LYPD1: variants seen among roughly 807,000 people sequenced by gnomAD.
LYPD1 encodes the protein LY6/PLAUR domain containing 1.
A neutral mutation model predicts 14.2 loss-of-function variants in LYPD1; 14 were observed. The ratio of observed to expected loss-of-function variants is 0.99; its 90% CI spans 0.65 to 1.54. LYPD1 has a LOEUF of 1.54. LYPD1 is among the 40% of genes most tolerant of loss of function. The pLI is 0.00. For synonymous variants in LYPD1, 85 were observed against 70.6 expected (o/e 1.20, Z -1.02); for missense variants, 165 against 175.7 (o/e 0.94, Z 0.34).
intron 2 of LYPD1, 141 bp downstream of exon 2, chr2:132,668,259 G>T: frequency 9.2e-7 from 1 of 1,081,578 alleles, no homozygotes; most frequent in Non-Finnish European, 1.3e-6. Context: ...CATTTTCCCA[G>T]CACTGTAAAA....
chr2:132,665,418 G>T (rs370370970), intron 2 of LYPD1, among the ~76,000 whole-genome samples: 18 of 152,304 alleles, frequency 1.2e-4, no homozygotes, highest in African/African-American at 4.3e-4. Flanking sequence ...AAATCTCACT[G>T]GTTGCTTCCC....
At chr2:132,667,385 C>T (rs1683340608) in intron 2 of LYPD1, among the ~76,000 whole-genome samples, 1 of 152,184 alleles carries the variant, frequency 6.6e-6, no homozygotes, top group African/African-American at 2.4e-5. Flanking sequence ...CCAGGCCCTT[C>T]TCTGAGAAGA....
chr2:132,660,481 GAA>G (rs576122957), intron 2 of LYPD1: 1 of 152,208 alleles, frequency 6.6e-6, no homozygotes, highest in Non-Finnish European at 1.5e-5. Context: ...TCTGGCCTGT[GAA>G]AAGAGTTTCA....
At chr2:132,655,471 G>C (rs572429303) in intron 2 of LYPD1, among the ~76,000 whole-genome samples, 1 of 147,514 alleles carries the variant, frequency 6.8e-6, no homozygotes, top group Non-Finnish European at 1.5e-5. Context: ...CAGTGTCCTA[G>C]AACTTAATTC....
intron 2 of LYPD1, among the ~76,000 whole-genome samples, chr2:132,659,565 AACTC>A (rs1447563280): frequency 6.6e-6 from 1 of 152,232 alleles, no homozygotes; most frequent in Non-Finnish European, 1.5e-5. Flanking sequence ...TCTGGATCTT[AACTC>A]ACTCTTATGC....
At chr2:132,648,138 T>C (rs1388733090) in intron 2 of LYPD1, among the ~76,000 whole-genome samples, 1 of 152,250 alleles carries the variant, frequency 6.6e-6, no homozygotes, top group African/African-American at 2.4e-5. Flanking sequence ...GTCTCTACAT[T>C]TGCCATCCAT....
intron 2 of LYPD1, chr2:132,667,020 GTAGA>G (rs1189705527): frequency 1.3e-5 from 2 of 152,160 alleles, no homozygotes; most frequent in Non-Finnish European, 2.9e-5. Flanking sequence ...AGTCCCTCTG[GTAGA>G]AAGGCAGTAA....
chr2:132,667,794 G>C (rs1683369134), intron 2 of LYPD1, among the ~76,000 whole-genome samples: 1 of 152,176 alleles, frequency 6.6e-6, no homozygotes, highest in Admixed American at 6.5e-5. Context: ...TATCCCACAA[G>C]ACCTCCCCTT....
intron 2 of LYPD1, among the ~76,000 whole-genome samples, chr2:132,654,608 G>A (rs549070969): frequency 2.0e-4 from 30 of 152,048 alleles, no homozygotes; most frequent in Admixed American, 1.1e-3. Context: ...GGGCTTGGAG[G>A]CTCCTGAAAT....
intron 2 of LYPD1, among the ~76,000 whole-genome samples, chr2:132,667,782 G>T (rs1400819675): frequency 6.6e-6 from 1 of 152,118 alleles, no homozygotes; most frequent in African/African-American, 2.4e-5. Context: ...GGGAGTGAGG[G>T]CTATCCCACA....
At chr2:132,647,379 G>A (rs750341408) in intron 2 of LYPD1, among the ~76,000 whole-genome samples, 10 of 152,164 alleles carry the variant, frequency 6.6e-5, no homozygotes, top group Admixed American at 2.0e-4. Flanking sequence ...AAAAATAACC[G>A]GGGATTTTTT....
intron 2 of LYPD1, among the ~76,000 whole-genome samples, chr2:132,648,164 A>ATCAT (rs1682205351): frequency 6.6e-6 from 1 of 152,222 alleles, no homozygotes; most frequent in African/African-American, 2.4e-5. Flanking sequence ...TTTTTAGGAA[A>ATCAT]TCATTCTACT....
intron 2 of LYPD1, among the ~76,000 whole-genome samples, chr2:132,648,573 A>G (rs1682237051): frequency 6.6e-6 from 1 of 152,264 alleles, no homozygotes; most frequent in African/African-American, 2.4e-5. Flanking sequence ...TTGCAGGGTT[A>G]AGGATCAGTG....
chr2:132,665,100 G>T (rs151253276), intron 2 of LYPD1, among the ~76,000 whole-genome samples: 371 of 152,280 alleles, frequency 2.4e-3, no homozygotes, highest in African/African-American at 8.5e-3. Context: ...AAGAGTGGTG[G>T]ATAATAATCT....
intron 2 of LYPD1, among the ~76,000 whole-genome samples, chr2:132,649,286 G>T (rs1682263653): frequency 6.6e-6 from 1 of 152,190 alleles, no homozygotes; most frequent in Non-Finnish European, 1.5e-5. Context: ...ACGTGGTGGA[G>T]ATAACACTGT....
Position 132,661,597 on chromosome 2 carries a change from G to A in LYPD1, c.190+6803C>T, listed in dbSNP as rs561261511. Among the ~76,000 whole-genome samples, 9 of 152,256 alleles carry A rather than the reference G, an allele frequency of 5.9e-5. No individual in the cohort carries two copies. In the South Asian group the frequency reaches 1.0e-3, roughly 18 times the overall value. On this transcript the variant is annotated intron_variant, in intron 2 of 2. Coordinates refer to ENST00000397463, the MANE Select transcript of LYPD1 (RefSeq NM_144586.7). ...ACAAAAGTGGAAGTGGTATGGATGA[G>A]CCATAAAACATGATCCTAAGCAAAA...
At chr2:132,659,155 G>A (rs1682778995) in intron 2 of LYPD1, among the ~76,000 whole-genome samples, 1 of 152,162 alleles carries the variant, frequency 6.6e-6, no homozygotes, top group Non-Finnish European at 1.5e-5. Context: ...TATTCAACTT[G>A]TCTTTATTCT....
upstream of LYPD1, among the ~76,000 whole-genome samples, chr2:132,670,647 G>A (rs1158014918): frequency 6.6e-6 from 1 of 152,128 alleles, no homozygotes; most frequent in Non-Finnish European, 1.5e-5. The surrounding 1 kb of genome is among the most constrained non-coding windows in gnomAD (Gnocchi z 4.5). Context: ...CGGGCCGCGG[G>A]AGCCTGGCGC....
intron 2 of LYPD1, among the ~76,000 whole-genome samples, chr2:132,667,316 C>A (rs1683336535): frequency 6.6e-6 from 1 of 152,160 alleles, no homozygotes; most frequent in Non-Finnish European, 1.5e-5. Context: ...CACAACACAA[C>A]ACAGTGTCAA....
Sources: gnomAD v4.1 joint callset for allele counts (sites outside exome capture counted in the v4.1 genomes callset) on GRCh38, gnomAD v4.1.1 for gene constraint, Gnocchi (gnomAD v3.1) non-coding constraint, MANE v1.5 for transcripts, NCBI Gene and HGNC (gene_info 2026-07-23, HGNC 2026-07-21) for gene names.